Variants in ATXN1 observed in about 807,000 individuals in gnomAD.
ATXN1 encodes the protein ataxin 1.
ATXN1 carries 8 observed loss-of-function variants against 56.4 expected under a neutral mutation model. The ratio of observed to expected loss-of-function variants is 0.14; its 90% CI spans 0.08 to 0.26. The LOEUF is 0.26. ATXN1 is among the 10% of genes least tolerant of loss of function. ATXN1 has a pLI of 1.00. For missense variants in ATXN1, 987 were observed against 1,106.5 expected, an observed-to-expected ratio of 0.89 and a Z score of 1.53; for synonymous variants, 514 against 494.6, an observed-to-expected ratio of 1.04 and a Z score of -0.52.
chr6:16,455,786 C>T (rs939266535), intron 6 of ATXN1, among the ~76,000 whole-genome samples: 1 of 152,098 alleles, frequency 6.6e-6, no homozygotes, highest in Non-Finnish European at 1.5e-5. Context: ...GGAAATTTCC[C>T]GTCCTACAAA....
intron 7 of ATXN1, among the ~76,000 whole-genome samples, chr6:16,325,482 A>G (rs972366142): frequency 6.6e-6 from 1 of 152,040 alleles, no homozygotes; most frequent in Non-Finnish European, 1.5e-5. Context: ...CCTACACCCC[A>G]GAGCACACTG....
intron 3 of ATXN1, among the ~76,000 whole-genome samples, chr6:16,654,753 C>T (rs1561795087): frequency 6.6e-6 from 1 of 152,006 alleles, no homozygotes; most frequent in Non-Finnish European, 1.5e-5. Context: ...GAGGAAGATA[C>T]AGGATAGAAA....
At chr6:16,741,193 T>A (rs1339182739) in intron 2 of ATXN1, among the ~76,000 whole-genome samples, 1 of 152,192 alleles carries the variant, frequency 6.6e-6, no homozygotes, top group African/African-American at 2.4e-5. Context: ...ACTCAAGCAG[T>A]CATTATGACT....
intron 2 of ATXN1, among the ~76,000 whole-genome samples, chr6:16,746,494 G>A (rs1334131434): frequency 6.6e-6 from 1 of 152,156 alleles, no homozygotes; most frequent in Non-Finnish European, 1.5e-5. Context: ...AGCAGAATAT[G>A]GCCCTTGATA....
At chr6:16,681,092 T>C (rs3793103) in intron 2 of ATXN1, among the ~76,000 whole-genome samples, 96,900 of 152,064 alleles carry the variant, frequency 0.64, 31,087 homozygotes, top group African/African-American at 0.7. Flanking sequence ...GGAGACATGA[T>C]GATGATGATT....
intron 6 of ATXN1, among the ~76,000 whole-genome samples, chr6:16,431,406 G>A (rs901500077): frequency 5.3e-5 from 8 of 152,238 alleles, no homozygotes; most frequent in East Asian, 3.9e-4. Flanking sequence ...TATAAGATTG[G>A]TGTGGGCAGA....
intron 6 of ATXN1, among the ~76,000 whole-genome samples, chr6:16,380,791 A>T (rs1372089185): frequency 6.6e-6 from 1 of 152,070 alleles, no homozygotes; most frequent in Non-Finnish European, 1.5e-5. Flanking sequence ...TACTAGACTC[A>T]CCCTGACCCC....
At chr6:16,544,526 T>G (rs925521364) in intron 4 of ATXN1, among the ~76,000 whole-genome samples, 6 of 152,188 alleles carry the variant, frequency 3.9e-5, no homozygotes, top group Non-Finnish European at 7.3e-5. Flanking sequence ...TTTGGGTGTG[T>G]ATTCAATTCT....
At chr6:16,389,630 A>G (rs1382786980) in intron 6 of ATXN1, among the ~76,000 whole-genome samples, 1 of 152,228 alleles carries the variant, frequency 6.6e-6, no homozygotes, top group African/African-American at 2.4e-5. Flanking sequence ...GCAGCAGATA[A>G]AAAGCGAGCA....
intron 4 of ATXN1, among the ~76,000 whole-genome samples, chr6:16,527,158 T>C (rs1723417451): frequency 6.6e-6 from 1 of 152,140 alleles, no homozygotes; most frequent in African/African-American, 2.4e-5. Flanking sequence ...ATATATGTGA[T>C]AGGATTTGCT....
At chr6:16,702,639 G>A (rs917309362) in intron 2 of ATXN1, among the ~76,000 whole-genome samples, 4 of 151,994 alleles carry the variant, frequency 2.6e-5, no homozygotes, top group Non-Finnish European at 5.9e-5. Flanking sequence ...AAATTTACAA[G>A]AAAAAAACAA....
At chr6:16,726,890 G>T (rs1339241733) in intron 2 of ATXN1, among the ~76,000 whole-genome samples, 2 of 152,096 alleles carry the variant, frequency 1.3e-5, no homozygotes, top group African/African-American at 4.8e-5. Context: ...TCTTAACAGG[G>T]TCCTACTTCA....
At chr6:16,405,387 T>C (rs73364785) in intron 6 of ATXN1, among the ~76,000 whole-genome samples, 1,728 of 152,302 alleles carry the variant, frequency 0.011, 26 homozygotes, top group African/African-American at 0.039. Flanking sequence ...ATTTAAATTT[T>C]CCAGCCTATC....
At chr6:16,418,036 G>GT (rs535972586) in intron 6 of ATXN1, among the ~76,000 whole-genome samples, 2 of 152,300 alleles carry the variant, frequency 1.3e-5, no homozygotes, top group Non-Finnish European at 2.9e-5. Context: ...AAAGCATGTT[G>GT]TTTGAGACAG....
At chr6:16,639,771 T>C (rs16878709) in intron 3 of ATXN1, among the ~76,000 whole-genome samples, 3,595 of 152,318 alleles carry the variant, frequency 0.024, 140 homozygotes, top group African/African-American at 0.082. Flanking sequence ...AAGATGTAAA[T>C]AGAAGAATTA....
At chr6:16,314,730 C>G (rs888046122) in intron 7 of ATXN1, among the ~76,000 whole-genome samples, 3 of 151,754 alleles carry the variant, frequency 2.0e-5, no homozygotes, top group Non-Finnish European at 4.4e-5. Context: ...ATTCTCCTGC[C>G]TCAGCCTCCC....
Position 16,327,246 on chromosome 6 carries a change from C to G in ATXN1, c.1065G>C (p.Pro355=). Residue 355 remains proline, a synonymous_variant, in exon 7 of 8, where the codon CCG becomes CCC. Transcript: ENST00000436367. The stretch of plus-strand genomic sequence containing the variant: ...GGACCACCACGTGCCTGGACTCGTA[C>G]GGGTGAGGAACCGACTTGCCGCCTG... ...GKAGGKSVPH[P]YESRHVVVHP... 6.2e-7 allele frequency: 1 copy of G among 1,613,382 alleles called. No individual in the cohort carries two copies. Among genetic ancestry groups the G allele is most frequent in the Non-Finnish European group, 8.5e-7 (1 of 1,179,684 alleles).
intron 2 of ATXN1, among the ~76,000 whole-genome samples, chr6:16,706,722 T>C (rs1285654975): frequency 3.4e-5 from 1 of 29,820 alleles, no homozygotes; most frequent in African/African-American, 1.3e-4. Flanking sequence ...AGACTCCATC[T>C]CAAAAAAAAA....
At chr6:16,748,134 T>C (rs1218174813) in intron 2 of ATXN1, among the ~76,000 whole-genome samples, 2 of 152,200 alleles carry the variant, frequency 1.3e-5, no homozygotes, top group Non-Finnish European at 2.9e-5. Context: ...CTGTCATCAT[T>C]TTCTTCAATT....
Sources: gnomAD v4.1 joint callset for allele counts (sites outside exome capture counted in the v4.1 genomes callset) on GRCh38, gnomAD v4.1.1 for gene constraint, MANE v1.5 for transcripts, NCBI Gene and HGNC (gene_info 2026-07-23, HGNC 2026-07-21) for gene names.